PPARGC1A: variants seen among roughly 807,000 people sequenced by gnomAD.
The protein encoded by PPARGC1A is peroxisome proliferator-activated receptor gamma coactivator 1-alpha.
A neutral mutation model predicts 88.7 loss-of-function variants in PPARGC1A; 25 were observed. The ratio of observed to expected loss-of-function variants is 0.28; its 90% CI spans 0.21 to 0.39. PPARGC1A has a LOEUF of 0.39. Ranked by LOEUF, PPARGC1A falls within the 10% of genes least tolerant of loss-of-function variation. The pLI, the probability that PPARGC1A is intolerant of heterozygous loss-of-function variation, is 1.00. For synonymous variants in PPARGC1A, 363 were observed against 355.6 expected, an observed-to-expected ratio of 1.02 and a Z score of -0.24; for missense variants, 880 against 968.7, an observed-to-expected ratio of 0.91 and a Z score of 1.22.
the PPARGC1A span, among the ~76,000 whole-genome samples, chr4:24,142,024 T>G: frequency 6.6e-6 from 1 of 152,196 alleles, no homozygotes. Flanking sequence ...CTCAAAGAAC[T>G]ATTTAGCTTT....
chr4:24,031,161 G>T, the PPARGC1A span, among the ~76,000 whole-genome samples: 3 of 152,288 alleles, frequency 2.0e-5, no homozygotes, highest in African/African-American at 7.2e-5. Context: ...GCACACCACA[G>T]ATGCTCCATA....
At chr4:24,182,686 C>T in the PPARGC1A span, among the ~76,000 whole-genome samples, 1 of 152,144 alleles carries the variant, frequency 6.6e-6, no homozygotes, top group Admixed American at 6.5e-5. Context: ...TGATAATCGC[C>T]ATTCTAACTG....
chr4:23,887,546 T>A (rs962383689), intron 1 of PPARGC1A, among the ~76,000 whole-genome samples: 3 of 152,180 alleles, frequency 2.0e-5, no homozygotes, highest in African/African-American at 7.2e-5. Flanking sequence ...TAGCCTCAAT[T>A]TTATAATAAG....
At chr4:24,186,641 C>T in the PPARGC1A span, among the ~76,000 whole-genome samples, 1 of 152,012 alleles carries the variant, frequency 6.6e-6, no homozygotes, top group Admixed American at 6.6e-5. Context: ...CTATTCCTCA[C>T]ACTCTATTAT....
the PPARGC1A span, among the ~76,000 whole-genome samples, chr4:24,241,035 C>A: frequency 6.6e-6 from 1 of 152,310 alleles, no homozygotes; most frequent in Non-Finnish European, 1.5e-5. Flanking sequence ...AACCCACCTC[C>A]AGCTGTAGGA....
At chr4:24,385,553 A>C in the PPARGC1A span, among the ~76,000 whole-genome samples, 1 of 152,344 alleles carries the variant, frequency 6.6e-6, no homozygotes, top group South Asian at 2.1e-4. Flanking sequence ...AAAATGATAA[A>C]GAGGATATCA....
At chr4:24,164,507 C>A in the PPARGC1A span, among the ~76,000 whole-genome samples, 1 of 152,136 alleles carries the variant, frequency 6.6e-6, no homozygotes. Context: ...TTGAGCTGAG[C>A]CTCCTGTCCA....
chr4:23,831,575 C>G lies in PPARGC1A; in HGVS notation c.411G>C (p.Glu137Asp), dbSNP rs2109698498. ...SMPDGTPPPQ[E>D]AEEPSLLKKL... is the part of the protein sequence containing the mutation. ...TTCTTACTAGAGACGGCTCTTCTGC[C>G]TCCTGGGGTGGAGGGGTGCCGTCAG... Residue 137 changes from glutamate to aspartate, a missense_variant, in exon 3 of 13, where the codon GAG becomes GAC. Transcript: ENST00000264867. 1.2e-6 allele frequency: 2 copies of G among 1,614,026 alleles called. No individual in the cohort carries two copies. Among genetic ancestry groups the G allele is most frequent in the Middle Eastern group, 1.7e-4 (1 of 6,040 alleles).
At chr4:24,270,241 GACTGCAGCTCTTGGGACT>G in the PPARGC1A span, among the ~76,000 whole-genome samples, 1 of 151,976 alleles carries the variant, frequency 6.6e-6, no homozygotes, top group African/African-American at 2.4e-5. Context: ...CAGGCCTTCA[GACTGCAGCTCTTGGGACT>G]TCTCAGCCTT....
the PPARGC1A span, among the ~76,000 whole-genome samples, chr4:24,007,626 G>A: frequency 6.6e-6 from 1 of 152,132 alleles, no homozygotes; most frequent in Non-Finnish European, 1.5e-5. Flanking sequence ...GCAGATTTAA[G>A]TATAGCTTTG....
At chr4:24,182,539 T>C in the PPARGC1A span, among the ~76,000 whole-genome samples, 1 of 152,122 alleles carries the variant, frequency 6.6e-6, no homozygotes, top group East Asian at 1.9e-4. Flanking sequence ...GGTCAAATGG[T>C]ATTTCTGGTT....
At chr4:23,962,018 A>G in the PPARGC1A span, among the ~76,000 whole-genome samples, 3 of 151,990 alleles carry the variant, frequency 2.0e-5, no homozygotes, top group Non-Finnish European at 4.4e-5. Flanking sequence ...ACTAAATCAA[A>G]CCCTCTGGCC....
rs373232118 is a variant in PPARGC1A, at chr4:23,798,209, C to T, written c.2294-2284G>A. ...GAAATAAACAGCTTTACTGCTCACA[C>T]AAAGCCTGTTTGGTGGTCTCTTCAC... On this transcript the variant is annotated intron_variant, in intron 12 of 12. Coordinates refer to ENST00000264867, the MANE Select transcript of PPARGC1A (RefSeq NM_013261.5). Among the ~76,000 whole-genome samples, 6 of 152,292 alleles carry T rather than the reference C, an allele frequency of 3.9e-5. No homozygotes were observed. The South Asian group carries it at 1.2e-3, about 32-fold the overall frequency.
the PPARGC1A span, among the ~76,000 whole-genome samples, chr4:24,106,886 A>C: frequency 2.0e-5 from 3 of 152,242 alleles, no homozygotes; most frequent in Non-Finnish European, 2.9e-5. Flanking sequence ...TAGCAGCAGA[A>C]CTGCACAGAA....
chr4:23,955,916 TAA>T, the PPARGC1A span, among the ~76,000 whole-genome samples: 4 of 152,194 alleles, frequency 2.6e-5, no homozygotes, highest in African/African-American at 7.2e-5. Context: ...AAACTTTCCG[TAA>T]AGAGCCAGAT....
the PPARGC1A span, among the ~76,000 whole-genome samples, chr4:24,210,819 C>T: frequency 3.3e-5 from 5 of 152,164 alleles, no homozygotes; most frequent in African/African-American, 9.7e-5. Flanking sequence ...GCGGGAGCTG[C>T]GGCGCCTTCA....
the PPARGC1A span, among the ~76,000 whole-genome samples, chr4:24,435,855 A>G: frequency 3.3e-5 from 5 of 152,268 alleles, no homozygotes; most frequent in African/African-American, 1.2e-4. Context: ...CTTGAGACCA[A>G]GAGATGCCCA....
At chr4:23,811,035 G>T (rs1014597999) in intron 10 of PPARGC1A, among the ~76,000 whole-genome samples, 1 of 152,126 alleles carries the variant, frequency 6.6e-6, no homozygotes, top group South Asian at 2.1e-4. Flanking sequence ...AGAAAAATGA[G>T]GCAAATTGTT....
the PPARGC1A span, among the ~76,000 whole-genome samples, chr4:24,143,730 A>C: frequency 6.6e-6 from 1 of 152,338 alleles, no homozygotes; most frequent in Admixed American, 6.5e-5. Context: ...TATCGGACAT[A>C]TATGCAAAAA....
Sources: allele counts gnomAD v4.1 joint callset (sites outside exome capture counted in the v4.1 genomes callset), GRCh38; gene constraint gnomAD v4.1.1; transcripts MANE v1.5; gene names NCBI Gene and HGNC (gene_info 2026-07-23, HGNC 2026-07-21).